The following RBM47 variants were observed in gnomAD, a reference collection of about 807,000 sequenced individuals.
RBM47 encodes RNA binding motif protein 47, also known as RNA-binding protein 47.
RBM47 carries 21 observed loss-of-function variants against 47.1 expected under a neutral mutation model. The ratio of observed to expected loss-of-function variants is 0.45; its 90% confidence interval spans 0.32 to 0.64. RBM47 has a LOEUF of 0.64. RBM47 is among the 30% of genes least tolerant of loss of function. The probability of loss-of-function intolerance (pLI) is 0.05; values close to 1 mark genes in which losing one functional copy is unlikely to be tolerated. For synonymous variants in RBM47, 375 were observed against 361.7 expected (o/e 1.04, Z -0.42); for missense variants, 708 against 870.9 (o/e 0.81, Z 2.35).
intron 2 of RBM47, among the ~76,000 whole-genome samples, chr4:40,502,986 CAA>C (rs35856007): frequency 1.0e-4 from 9 of 86,468 alleles, no homozygotes; most frequent in African/African-American, 2.3e-4. Context: ...CCTGTCTGTA[CAA>C]AAAAAAAAAA....
At chr4:40,440,813 AATAC>A (rs1404560808) in intron 3 of RBM47, among the ~76,000 whole-genome samples, 2 of 152,224 alleles carry the variant, frequency 1.3e-5, no homozygotes, top group African/African-American at 2.4e-5. Context: ...GGAGTGAGTT[AATAC>A]ATACACAGCA....
At chr4:40,602,086 TGAGCCCGG>T (rs1735331913) in intron 1 of RBM47, among the ~76,000 whole-genome samples, 1 of 151,960 alleles carries the variant, frequency 6.6e-6, no homozygotes, top group Non-Finnish European at 1.5e-5. Context: ...GAGAATCGCT[TGAGCCCGG>T]GAGGTGGAGG....
chr4:40,450,445 T>A (rs1250377823), intron 3 of RBM47, among the ~76,000 whole-genome samples: 5 of 147,874 alleles, frequency 3.4e-5, no homozygotes, highest in East Asian at 2.0e-4. Context: ...AAAAAAAAAA[T>A]ATAAAACTTA....
intron 2 of RBM47, among the ~76,000 whole-genome samples, chr4:40,528,942 C>CA (rs201660719): frequency 0.018 from 2,549 of 140,586 alleles, 69 homozygotes; most frequent in African/African-American, 0.06. Flanking sequence ...GACTCCGTCT[C>CA]AAAAAAAAAA....
chr4:40,601,423 A>G (rs1735275847), intron 1 of RBM47, among the ~76,000 whole-genome samples: 1 of 152,190 alleles, frequency 6.6e-6, no homozygotes, highest in Non-Finnish European at 1.5e-5. Flanking sequence ...TGTCCAGATA[A>G]AAACATGCTG....
At chr4:40,544,749 T>C (rs1728854736) in intron 1 of RBM47, among the ~76,000 whole-genome samples, 1 of 152,074 alleles carries the variant, frequency 6.6e-6, no homozygotes, top group South Asian at 2.1e-4. Context: ...TCATATTAAT[T>C]AAAAGACACT....
At chr4:40,613,620 T>A (rs1736432147) in intron 1 of RBM47, among the ~76,000 whole-genome samples, 1 of 152,018 alleles carries the variant, frequency 6.6e-6, no homozygotes, top group Non-Finnish European at 1.5e-5. Context: ...AACTCATTGG[T>A]GATAAAAAAC....
chr4:40,464,947 C>T (rs1210810292), intron 3 of RBM47, among the ~76,000 whole-genome samples: 1 of 129,292 alleles, frequency 7.7e-6, no homozygotes, highest in Non-Finnish European at 1.7e-5. Context: ...CAAACAAAAT[C>T]AGAGTAAATA....
intron 1 of RBM47, among the ~76,000 whole-genome samples, chr4:40,546,261 C>G (rs935542849): frequency 6.6e-6 from 1 of 152,000 alleles, no homozygotes; most frequent in African/African-American, 2.4e-5. Flanking sequence ...AGTGATTCTC[C>G]CACCTTAGCC....
intron 2 of RBM47, among the ~76,000 whole-genome samples, chr4:40,529,900 T>G (rs909621242): frequency 6.7e-6 from 1 of 149,532 alleles, no homozygotes; most frequent in Non-Finnish European, 1.5e-5. Flanking sequence ...GTAAATAAAC[T>G]TCACGATGGA....
At chr4:40,518,330 C>A (rs1335336693) in intron 2 of RBM47, among the ~76,000 whole-genome samples, 1 of 151,794 alleles carries the variant, frequency 6.6e-6, no homozygotes, top group Non-Finnish European at 1.5e-5. Context: ...GCACACACCA[C>A]CACACCCGGC....
chr4:40,497,886 G>A (rs1277346279), intron 2 of RBM47, among the ~76,000 whole-genome samples: 3 of 150,744 alleles, frequency 2.0e-5, no homozygotes, highest in Admixed American at 2.0e-4. Context: ...GGAAGGCTGA[G>A]GCAGGAGGAT....
intron 1 of RBM47, among the ~76,000 whole-genome samples, chr4:40,590,368 C>T (rs1412945190): frequency 6.6e-6 from 1 of 151,888 alleles, no homozygotes; most frequent in East Asian, 1.9e-4. Context: ...GTACTCCAGC[C>T]TGGGCAACAG....
intron 1 of RBM47, among the ~76,000 whole-genome samples, chr4:40,546,237 G>A (rs1432482258): frequency 1.3e-5 from 2 of 151,504 alleles, no homozygotes; most frequent in East Asian, 1.9e-4. Flanking sequence ...TGCAACCTCC[G>A]CCTCCCGGGT....
chr4:40,468,009 G>A (rs954939470), intron 2 of RBM47, among the ~76,000 whole-genome samples: 6 of 152,132 alleles, frequency 3.9e-5, no homozygotes, highest in African/African-American at 1.4e-4. Context: ...AAGGAGGCCA[G>A]GTGTGGTGGC....
At chr4:40,459,600 A>C (rs1716796598) in intron 3 of RBM47, among the ~76,000 whole-genome samples, 1 of 152,144 alleles carries the variant, frequency 6.6e-6, no homozygotes, top group South Asian at 2.1e-4. Context: ...ATTTAAAAAA[A>C]CTTTTGTGGT....
At chr4:40,525,022 C>T (rs908405638) in intron 2 of RBM47, among the ~76,000 whole-genome samples, 1 of 152,034 alleles carries the variant, frequency 6.6e-6, no homozygotes, top group African/African-American at 2.4e-5. Context: ...TTTTATGATC[C>T]AGTATGGGGG....
In RBM47 at chr4:40,437,765, A is replaced by C; in HGVS notation, c.1123+6T>G. On this transcript the variant is annotated splice_donor_region_variant and intron_variant, in intron 4 of 6. Coordinates refer to ENST00000295971, the MANE Select transcript of RBM47 (RefSeq NM_001098634.2). ...GGCCCCACCCAGGAGAAGAGCCCCC[A>C]CTAACCTTTCACAAAGTAGTCCCTG... 2.5e-6 allele frequency: 4 copies of C among 1,594,326 alleles called. No homozygotes were observed. Among genetic ancestry groups the C allele is most frequent in the Non-Finnish European group, 3.4e-6 (4 of 1,164,574 alleles).
chr4:40,537,303 C>G (rs1263160863), intron 2 of RBM47, among the ~76,000 whole-genome samples: 1 of 151,470 alleles, frequency 6.6e-6, no homozygotes, highest in Non-Finnish European at 1.5e-5. Context: ...GACAGCATCT[C>G]TCTCTGTCTC....
Sources: gnomAD v4.1 joint callset for allele counts (sites outside exome capture counted in the v4.1 genomes callset) on GRCh38, gnomAD v4.1.1 for gene constraint, MANE v1.5 for transcripts, NCBI Gene and HGNC (gene_info 2026-07-23, HGNC 2026-07-21) for gene names.